NRROS: variants seen among roughly 807,000 people sequenced by gnomAD.
The protein encoded by NRROS is transforming growth factor beta activator LRRC33.
A neutral mutation model predicts 12.0 loss-of-function variants in NRROS; 6 were observed. That is an observed-to-expected ratio of 0.50 (90% confidence interval 0.27 to 0.98). NRROS has a LOEUF of 0.98. Among genes scored for constraint, NRROS ranks in the 50% least tolerant of loss-of-function variants. NRROS has a pLI of 0.11. For synonymous variants in NRROS, 462 were observed against 410.2 expected, an observed-to-expected ratio of 1.13 and a Z score of -1.53; for missense variants, 857 against 888.2, an observed-to-expected ratio of 0.96 and a Z score of 0.45.
chr3:196,658,795 C>G (rs1321279187), intron 2 of NRROS, among the ~76,000 whole-genome samples: 2 of 152,022 alleles, frequency 1.3e-5, no homozygotes, highest in South Asian at 2.1e-4. Context: ...GGTGAAACCC[C>G]GTCTCTACTA....
At chr3:196,657,001 T>G (rs1737548428) in intron 2 of NRROS, among the ~76,000 whole-genome samples, 1 of 151,286 alleles carries the variant, frequency 6.6e-6, no homozygotes, top group Admixed American at 6.6e-5. Flanking sequence ...GTCAGGAGTT[T>G]GAGACCAGCC....
intron 2 of NRROS, among the ~76,000 whole-genome samples, chr3:196,655,284 C>T (rs1263324786): frequency 6.6e-6 from 1 of 151,050 alleles, no homozygotes; most frequent in African/African-American, 2.4e-5. Flanking sequence ...CCTGTCATCC[C>T]AGTACTTAGG....
Position 196,661,177 on chromosome 3 carries a change from A to T in NRROS, c.1534A>T (p.Met512Leu). 1 of 1,612,974 alleles carries T rather than the reference A, an allele frequency of 6.2e-7. No homozygotes were observed. The highest frequency in any genetic ancestry group is 8.5e-7 in the Non-Finnish European group (1 of 1,179,400). Residue 512 changes from methionine (M) to leucine (L), a missense_variant, in exon 3 of 3, where the codon ATG (methionine) becomes TTG (leucine). Transcript: ENST00000328557. ...CGCCCCACTCCAGGATGTTGCCCCC[A>T]TGTTACAGGTCCTGTCTCTCAGGAA... ...SLAPLQDVAPMLQVLSLRNMG... is the reference protein window; with the variant it reads ...SLAPLQDVAPLLQVLSLRNMG...
chr3:196,660,100 C>G lies in NRROS; in HGVS notation c.457C>G (p.Leu153Val), dbSNP rs1224475256. 1.2e-6 allele frequency: 2 copies of G among 1,613,014 alleles called. No individual in the cohort carries two copies. The highest frequency in any genetic ancestry group is 4.5e-5 in the East Asian group (2 of 44,884). The change falls in exon 3 of 3, where the codon CTC (leucine) becomes GTC (valine). Residue 153 changes from leucine to valine, a missense_variant. Leu to Val is a conservative substitution (Grantham distance 32, BLOSUM62 1). Transcript: ENST00000328557. This position sits in a 1 kb window ranked among gnomAD's most constrained non-coding sequence, Gnocchi z 7.7. The part of the protein sequence containing the change: ...ALTEDMAALM[L>V]QNLSSLRSVS... The stretch of plus-strand genomic sequence containing the variant: ...GACGGAGGACATGGCAGCCCTCATG[C>G]TCCAGAACCTCTCCTCGCTGCGGTC...
chr3:196,644,374 G>A (rs1737265994), intron 1 of NRROS, among the ~76,000 whole-genome samples: 1 of 150,604 alleles, frequency 6.6e-6, no homozygotes, highest in Non-Finnish European at 1.5e-5. Flanking sequence ...ACTCTAGCCT[G>A]GGTAACAGAG....
At chr3:196,655,789 G>C (rs1737527944) in intron 2 of NRROS, among the ~76,000 whole-genome samples, 1 of 152,242 alleles carries the variant, frequency 6.6e-6, no homozygotes, top group South Asian at 2.1e-4. Flanking sequence ...TTTCAGCCTA[G>C]ATGTGAAAAT....
Position 196,654,602 on chromosome 3 carries a change from C to T in NRROS, c.63C>T (p.Asn21=). ...GFHFLTVGWR[N]RSGTATAASQ... is the part of the protein sequence containing the mutation. ...ACTTCCTGACCGTGGGCTGGAGGAA[C>T]AGAAGCGGAACAGCCACAGCAGCCT... The change falls in exon 2 of 3, where the codon AAC becomes AAT. Residue 21 remains asparagine, a synonymous_variant. Transcript: ENST00000328557. This position sits in a 1 kb window ranked among gnomAD's most constrained non-coding sequence, Gnocchi z 4.4. The T allele has an allele frequency of 6.2e-7, 1 of 1,614,058 alleles. No individual in the cohort carries two copies. Among genetic ancestry groups the T allele is most frequent in the Non-Finnish European group, 8.5e-7 (1 of 1,179,944 alleles).
At chr3:196,642,202 A>G (rs1577626647) in intron 1 of NRROS, among the ~76,000 whole-genome samples, 1 of 152,132 alleles carries the variant, frequency 6.6e-6, no homozygotes, top group Non-Finnish European at 1.5e-5. Flanking sequence ...CACGTGCAAC[A>G]ATAAACCCGA....
At chr3:196,643,543 G>A (rs1276282483) in intron 1 of NRROS, among the ~76,000 whole-genome samples, 2 of 145,178 alleles carry the variant, frequency 1.4e-5, no homozygotes, top group African/African-American at 4.9e-5. Context: ...GAAAGAGAAG[G>A]ACCGGGAGGG....
rs770593299 is a variant in NRROS, at chr3:196,660,594, C to A, written c.951C>A (p.Ser317Arg). 6.2e-7 allele frequency: 1 copy of A among 1,614,218 alleles called. No homozygotes were observed. The highest frequency in any genetic ancestry group is 1.1e-5 in the South Asian group (1 of 91,086). Residue 317 changes from serine (S) to arginine (R), a missense_variant, in exon 3 of 3, where the codon AGC becomes AGA. By Grantham distance (110) the Ser-to-Arg change is moderately radical. Transcript: ENST00000328557. This position sits in a 1 kb window ranked among gnomAD's most constrained non-coding sequence, Gnocchi z 7.7. ...ACGTGACCAACATCACCACCGTCAGCCTCTGGGAAGAATTCTCCTCCAGCG... is the reference window on the plus strand; with the variant it reads ...ACGTGACCAACATCACCACCGTCAGACTCTGGGAAGAATTCTCCTCCAGCG... ...DGNVTNITTV[S>R]LWEEFSSSDL...
intron 2 of NRROS, among the ~76,000 whole-genome samples, chr3:196,658,839 ATG>A (rs973453152): frequency 2.2e-4 from 34 of 151,868 alleles, no homozygotes; most frequent in Non-Finnish European, 2.9e-4. Flanking sequence ...GCGTGGTGGC[ATG>A]TGCCTGTAAT....
In NRROS at chr3:196,660,829, G is replaced by A; in HGVS notation, c.1186G>A (p.Gly396Arg). 1.2e-6 allele frequency: 2 copies of A among 1,613,670 alleles called. No individual in the cohort carries two copies. Among genetic ancestry groups the A allele is most frequent in the Non-Finnish European group, 1.7e-6 (2 of 1,180,036 alleles). Residue 396 changes from glycine to arginine, a missense_variant, in exon 3 of 3, where the codon GGG becomes AGG. Gly to Arg is a moderately radical substitution (Grantham distance 125). Transcript: ENST00000328557. This position sits in a 1 kb window ranked among gnomAD's most constrained non-coding sequence, Gnocchi z 7.7. ...NQLSELHLAP[G>R]LASCLGSLRL... ...GCTGTCGGAGCTGCACCTGGCTCCGGGGCTGGCCAGCTGCCTGGGCAGCCT... is the reference window on the plus strand; with the variant it reads ...GCTGTCGGAGCTGCACCTGGCTCCGAGGCTGGCCAGCTGCCTGGGCAGCCT...
intron 1 of NRROS, among the ~76,000 whole-genome samples, chr3:196,641,327 C>A (rs1737204765): frequency 6.6e-6 from 1 of 152,140 alleles, no homozygotes; most frequent in Admixed American, 6.6e-5. Context: ...AATGCTCCTG[C>A]TTCAGTCACC....
At chr3:196,651,158 G>A (rs1273287937) in intron 1 of NRROS, among the ~76,000 whole-genome samples, 2 of 152,174 alleles carry the variant, frequency 1.3e-5, no homozygotes, top group African/African-American at 4.8e-5. Context: ...TGGCTCTGAG[G>A]AAGCTCTCTG....
intron 1 of NRROS, among the ~76,000 whole-genome samples, chr3:196,644,135 CCA>C (rs1737259134): frequency 6.6e-6 from 1 of 152,174 alleles, no homozygotes; most frequent in Non-Finnish European, 1.5e-5. Context: ...TTCCAAATCC[CCA>C]GTTTTCTTCT....
intron 2 of NRROS, among the ~76,000 whole-genome samples, chr3:196,655,235 TAAAA>T (rs1259170871): frequency 1.3e-5 from 1 of 74,576 alleles, no homozygotes; most frequent in Non-Finnish European, 2.8e-5. Flanking sequence ...ACCTTGTCTT[TAAAA>T]AAAAAAAAAA....
rs531213007 is a variant in NRROS, at chr3:196,646,244, C to T, written c.-14+6369C>T. On this transcript the variant is annotated intron_variant, in intron 1 of 2. Coordinates refer to ENST00000328557, the MANE Select transcript of NRROS (RefSeq NM_198565.3). ...AGGGTCCCTTCCTCTACACAGGTCC[C>T]ACCTGCTCCTTCTTATCGAGAAGGG... 2.6e-5 allele frequency among the ~76,000 whole-genome samples: 4 copies of T among 152,378 alleles called. 1 individual carries two copies. The highest frequency in any genetic ancestry group is 4.1e-4 in the South Asian group (2 of 4,830).
intron 1 of NRROS, among the ~76,000 whole-genome samples, chr3:196,652,888 A>G (rs890831929): frequency 6.6e-6 from 1 of 152,036 alleles, no homozygotes; most frequent in African/African-American, 2.4e-5. Flanking sequence ...GAGGGTTCTT[A>G]CCTCCCCATC....
rs775812701 is a variant in NRROS at position 196,661,241 on chromosome 3, C to G, written c.1598C>G (p.Ser533Cys). 1.2e-6 allele frequency: 2 copies of G among 1,614,000 alleles called. No individual in the cohort carries two copies. The highest frequency in any genetic ancestry group is 3.3e-5 in the Admixed American group (2 of 59,982). The change falls in exon 3 of 3, where the codon TCT becomes TGT. Residue 533 changes from serine (S) to cysteine (C), a missense_variant. Physicochemically the swap from Ser to Cys is moderately radical, Grantham distance 112 (BLOSUM62 -1). Transcript: ENST00000328557. ...LHSSFMALDF[S>C]GFGNLRDLDL... ...TCCAGCTTTATGGCGTTGGACTTCT[C>G]TGGGTTTGGGAATCTCAGGGACTTA...
Sources: gnomAD v4.1 joint callset for allele counts (sites outside exome capture counted in the v4.1 genomes callset) on GRCh38, gnomAD v4.1.1 for gene constraint, Gnocchi (gnomAD v3.1) non-coding constraint, MANE v1.5 for transcripts, NCBI Gene and HGNC (gene_info 2026-07-23, HGNC 2026-07-21) for gene names.